The following ZNF560 variants were observed in gnomAD, a reference collection of about 807,000 sequenced individuals.
ZNF560 encodes zinc finger protein 560.
ZNF560 carries 54 observed loss-of-function variants against 81.8 expected under a neutral mutation model. That is an observed-to-expected ratio of 0.66 (90% CI 0.53 to 0.83). The LOEUF is 0.83. Ranked by LOEUF, ZNF560 falls within the 40% of genes least tolerant of loss-of-function variation. The pLI is 0.00. For missense variants in ZNF560, 940 were observed against 932.4 expected (o/e 1.01, Z -0.11); for synonymous variants, 321 against 317.9 (o/e 1.01, Z -0.10).
chr19:9,488,898 A>G (rs2073426084), intron 2 of ZNF560, among the ~76,000 whole-genome samples: 1 of 152,076 alleles, frequency 6.6e-6, no homozygotes, highest in African/African-American at 2.4e-5. Flanking sequence ...TACTGTCCTC[A>G]TGATCTGGTC....
downstream of ZNF560, among the ~76,000 whole-genome samples, chr19:9,462,595 G>A (rs1341650109): frequency 6.6e-6 from 1 of 151,802 alleles, no homozygotes; most frequent in Non-Finnish European, 1.5e-5. Context: ...ACCTGGTCTT[G>A]GCAAATATTA....
chr19:9,477,034 T>A (rs2073213427), intron 2 of ZNF560, among the ~76,000 whole-genome samples: 1 of 152,154 alleles, frequency 6.6e-6, no homozygotes, highest in Admixed American at 6.5e-5. Context: ...TCAACAAGCG[T>A]TACTTATCAG....
At position 9,486,540 on chromosome 19, in the gene ZNF560, A is replaced by AACCAGCCTGGCC. The variant is rs563829156; in HGVS notation, c.-56-11183_-56-11172dup. Among the ~76,000 whole-genome samples, 385 of 152,220 alleles carry AACCAGCCTGGCC rather than the reference A, an allele frequency of 2.5e-3. 2 individuals carry two copies. Among genetic ancestry groups the AACCAGCCTGGCC allele is most frequent in the African/African-American group, 9.0e-3 (375 of 41,524 alleles). On this transcript the variant is annotated intron_variant, in intron 2 of 9. Coordinates refer to ENST00000301480, the MANE Select transcript of ZNF560 (RefSeq NM_152476.3). ...GGATCACCTGAGGTTAGGAGTTTGA[A>AACCAGCCTGGCC]ACCAGCCTGGCCAACATGGCAAAAC...
chr19:9,474,090 GACA>G, intron 4 of ZNF560, 106 bp downstream of exon 4: 1 of 1,281,818 alleles, frequency 7.8e-7, no homozygotes, highest in Non-Finnish European at 1.1e-6. Context: ...TTATGGCAGG[GACA>G]ACGTCTCTGG....
At chr19:9,465,600 T>G (rs552458666), downstream of ZNF560, among the ~76,000 whole-genome samples, 2 of 152,200 alleles carry the variant, frequency 1.3e-5, no homozygotes, top group Non-Finnish European at 2.9e-5. Flanking sequence ...AATGAGCACT[T>G]TGACACAGTG....
intron 2 of ZNF560, among the ~76,000 whole-genome samples, chr19:9,478,803 C>A (rs1479753457): frequency 6.6e-6 from 1 of 151,770 alleles, no homozygotes; most frequent in African/African-American, 2.4e-5. Flanking sequence ...ATCAAAAGTA[C>A]ACTAGAGAAA....
At chr19:9,490,181 C>A (rs528429908) in intron 2 of ZNF560, among the ~76,000 whole-genome samples, 10 of 152,196 alleles carry the variant, frequency 6.6e-5, no homozygotes, top group Non-Finnish European at 1.5e-4. Flanking sequence ...AGAAGACACC[C>A]TCTTCACAAA....
At chr19:9,453,083 T>G in the ZNF560 span, among the ~76,000 whole-genome samples, 9 of 152,184 alleles carry the variant, frequency 5.9e-5, no homozygotes, top group Non-Finnish European at 2.9e-5. Context: ...TAGGGTTGGA[T>G]GAGATCATGA....
At chr19:9,448,110 CTAAGCTTCA>C in the ZNF560 span, among the ~76,000 whole-genome samples, 1 of 152,174 alleles carries the variant, frequency 6.6e-6, no homozygotes, top group Admixed American at 6.6e-5. Context: ...CCTGACCAAA[CTAAGCTTCA>C]TAAGAGTAGA....
chr19:9,473,332 G>A, intron 4 of ZNF560, 73 bp from the exon 5 acceptor site: 3 of 1,180,328 alleles, frequency 2.5e-6, no homozygotes, highest in East Asian at 2.5e-5. Flanking sequence ...TGTAATCCCA[G>A]CACTTTGGGA....
Position 9,470,493 on chromosome 19 carries a change from G to A in ZNF560, c.347C>T (p.Ala116Val), listed in dbSNP as rs763187142. ...CCACTCTTCCTGGGTGAACTCCACA[G>A]CCACACTGTCAAAGGTTACCAGGTC... ...QMDLVTFDSV[A>V]VEFTQEEWTL... Residue 116 changes from alanine to valine, a missense_variant, in exon 7 of 10, where the codon GCT becomes GTT. By Grantham distance (64) the Ala-to-Val change is moderately conservative (BLOSUM62 0). Transcript: ENST00000301480. 6.2e-7 allele frequency: 1 copy of A among 1,614,144 alleles called. No individual in the cohort carries two copies. Among genetic ancestry groups the A allele is most frequent in the South Asian group, 1.1e-5 (1 of 91,078 alleles).
chr19:9,503,905 GAATAT>G, the ZNF560 span, among the ~76,000 whole-genome samples: 4 of 152,184 alleles, frequency 2.6e-5, no homozygotes, highest in Non-Finnish European at 5.9e-5. Context: ...TATAATTTAT[GAATAT>G]AATACAGAAT....
chr19:9,466,610 A>G lies in ZNF560; in HGVS notation c.2337T>C (p.Ser779=), dbSNP rs1302386424. ...ECDQCGKAFA[S]FSARIAHLKT... ...TCAAATGTGCAATACGAGCTGAGAA[A>G]GAAGCAAAGGCTTTCCCACACTGGT... The change falls in exon 10 of 10, where the codon TCT becomes TCC. Residue 779 remains serine (S), a synonymous_variant. Coordinates refer to ENST00000301480, the MANE Select transcript of ZNF560 (RefSeq NM_152476.3). 13 of 1,607,456 alleles carry G rather than the reference A, an allele frequency of 8.1e-6. No homozygotes were observed. The highest frequency in any genetic ancestry group is 1.1e-5 in the Non-Finnish European group (13 of 1,175,960).
At chr19:9,472,621 G>A (rs78872810) in intron 5 of ZNF560, among the ~76,000 whole-genome samples, 5,299 of 152,272 alleles carry the variant, frequency 0.035, 331 homozygotes, top group African/African-American at 0.12. Context: ...GGACCATCTG[G>A]TTACAGGAAA....
rs2073049599 is a variant in ZNF560 at position 9,467,638 on chromosome 19, A to T, written c.1309T>A (p.Cys437Ser). Reference sequence around the variant, plus strand: ...GGGTAAGAAATAAAGGCTTTCCCACAGTGGTCACATTTAAAGGTTTTCTCT... The same window carrying T: ...GGGTAAGAAATAAAGGCTTTCCCACTGTGGTCACATTTAAAGGTTTTCTCT... ...AREKTFKCDHCGKAFISYPSL... is the reference protein window; with the variant it reads ...AREKTFKCDHSGKAFISYPSL... Residue 437 changes from cysteine to serine, a missense_variant, in exon 10 of 10, where the codon TGT becomes AGT. Cys to Ser is a moderately radical substitution (Grantham distance 112). Coordinates refer to ENST00000301480, the MANE Select transcript of ZNF560 (RefSeq NM_152476.3). The T allele has an allele frequency of 6.2e-7, 1 of 1,614,160 alleles. No homozygotes were observed. Among genetic ancestry groups the T allele is most frequent in the South Asian group, 1.1e-5 (1 of 91,072 alleles).
Position 9,468,122 on chromosome 19 carries a change from G to A in ZNF560, c.825C>T (p.Arg275=), listed in dbSNP as rs2073061313. ...TCTGGACCTGAACATTTAAAATCAG[G>A]CGGAAAGATTTTCCATGCTTACTGA... ...SVFSKHGKSF[R]LILNVQVQRK... Residue 275 remains arginine (R), a synonymous_variant, in exon 10 of 10, where the codon CGC becomes CGT. Coordinates refer to ENST00000301480, the MANE Select transcript of ZNF560 (RefSeq NM_152476.3). 2 of 1,614,040 alleles carry A rather than the reference G, an allele frequency of 1.2e-6. No homozygotes were observed. The highest frequency in any genetic ancestry group is 4.5e-5 in the East Asian group (2 of 44,866).
At chr19:9,495,787 G>A (rs1018575418) in intron 2 of ZNF560, among the ~76,000 whole-genome samples, 1 of 152,166 alleles carries the variant, frequency 6.6e-6, no homozygotes, top group Non-Finnish European at 1.5e-5. Flanking sequence ...TTCTTATTCA[G>A]GATGAAACTG....
intron 2 of ZNF560, among the ~76,000 whole-genome samples, chr19:9,485,411 A>G (rs966364444): frequency 6.6e-6 from 1 of 151,950 alleles, no homozygotes; most frequent in Non-Finnish European, 1.5e-5. Flanking sequence ...AACAGAATTA[A>G]GTATAAGAAT....
rs530598433 is a variant in ZNF560, at chr19:9,494,700, C to T, written c.-57+3428G>A. Among the ~76,000 whole-genome samples, 56 of 152,094 alleles carry T rather than the reference C, an allele frequency of 3.7e-4. 2 individuals are homozygous for T. The highest frequency in any genetic ancestry group is 1.1e-3 in the African/African-American group (47 of 41,484). On this transcript the variant is annotated intron_variant, in intron 2 of 9. Transcript: ENST00000301480. ...GCAGTGAGCCAAGATCACGCCACTG[C>T]ACTCCACCCTGGGCGACAAGAGCAA...
Sources: gnomAD v4.1 joint callset for allele counts (sites outside exome capture counted in the v4.1 genomes callset) on GRCh38, gnomAD v4.1.1 for gene constraint, MANE v1.5 for transcripts, NCBI Gene and HGNC (gene_info 2026-07-23, HGNC 2026-07-21) for gene names.